The following TULP4 variants were observed in gnomAD, a reference collection of about 807,000 sequenced individuals.
TULP4 encodes TUB like protein 4, also known as tubby-related protein 4.
A neutral mutation model predicts 129.0 loss-of-function variants in TULP4; 16 were observed. That is an observed-to-expected ratio of 0.12 (90% CI 0.08 to 0.19). The LOEUF (loss-of-function observed/expected upper bound fraction) is 0.19, where lower values mean the gene tolerates loss of function less well. Ranked by LOEUF, TULP4 falls within the 10% of genes least tolerant of loss-of-function variation. The pLI, the probability that TULP4 is intolerant of heterozygous loss-of-function variation, is 1.00. For synonymous variants in TULP4, 998 were observed against 854.0 expected (o/e 1.17, Z -2.94); for missense variants, 1,842 against 2,059.1 (o/e 0.89, Z 2.04).
At chr6:158,388,422 C>T (rs1450533883) in intron 1 of TULP4, among the ~76,000 whole-genome samples, 3 of 148,932 alleles carry the variant, frequency 2.0e-5, no homozygotes, top group East Asian at 4.0e-4. Flanking sequence ...CTCCACCTCC[C>T]GGGTTCACAC....
chr6:158,337,130 T>C (rs1316038469), intron 1 of TULP4, among the ~76,000 whole-genome samples: 1 of 117,112 alleles, frequency 8.5e-6, no homozygotes, highest in Non-Finnish European at 1.8e-5. Context: ...TTCTTTCTCT[T>C]TTTTTTTTTT....
chr6:158,464,778 C>T (rs1779518538), intron 6 of TULP4, among the ~76,000 whole-genome samples: 2 of 152,140 alleles, frequency 1.3e-5, no homozygotes. Context: ...TCCTTTCAGA[C>T]CTTAAAAGGT....
chr6:158,346,810 C>T (rs540577220), intron 1 of TULP4, among the ~76,000 whole-genome samples: 6 of 25,468 alleles, frequency 2.4e-4, no homozygotes, highest in African/African-American at 7.2e-4. Flanking sequence ...CTCCTTTCCT[C>T]ATGACTTGAT....
At chr6:158,322,398 A>T (rs1421348830) in intron 1 of TULP4, among the ~76,000 whole-genome samples, 1 of 152,086 alleles carries the variant, frequency 6.6e-6, no homozygotes, top group Admixed American at 6.6e-5. Context: ...TGTCCAAGTC[A>T]TTCATTAGTT....
At chr6:158,354,835 CTA>C (rs1472593283) in intron 1 of TULP4, among the ~76,000 whole-genome samples, 2 of 140,786 alleles carry the variant, frequency 1.4e-5, no homozygotes, top group Non-Finnish European at 3.0e-5. Context: ...TTACAGTGAG[CTA>C]TAACTGCGCC....
intron 1 of TULP4, among the ~76,000 whole-genome samples, chr6:158,335,019 T>C (rs1780000338): frequency 6.6e-6 from 1 of 152,280 alleles, no homozygotes; most frequent in African/African-American, 2.4e-5. Flanking sequence ...GGCTCAGGCC[T>C]GTAGTCCCAG....
At chr6:158,394,212 A>G (rs1226776081) in intron 1 of TULP4, among the ~76,000 whole-genome samples, 1 of 152,114 alleles carries the variant, frequency 6.6e-6, no homozygotes. Flanking sequence ...CCTTTGCTCC[A>G]TTTCCCAGTA....
chr6:158,397,927 G>A lies in TULP4; in HGVS notation c.253-15138G>A, dbSNP rs1199415004. On this transcript the variant is annotated intron_variant, in intron 1 of 13. Transcript: ENST00000367097. ...ATGAGTTACAGGTGAGCTGGGCCAA[G>A]GTGAAATTCTGATGTAGCTTCTGTA... 13 of 152,278 alleles carry A rather than the reference G, an allele frequency of 8.5e-5. No individual in the cohort carries two copies. In the South Asian group the frequency reaches 2.3e-3, roughly 27 times the overall value. 9.4% of individuals were successfully genotyped at this position (152,278 alleles called of 1,614,324 possible).
At chr6:158,436,551 G>A (rs766165047) in intron 3 of TULP4, among the ~76,000 whole-genome samples, 1 of 152,174 alleles carries the variant, frequency 6.6e-6, no homozygotes, top group East Asian at 1.9e-4. Flanking sequence ...AATTGCCCTT[G>A]TTTAGAAGGC....
chr6:158,466,211 GT>G (rs1278582589), intron 6 of TULP4, among the ~76,000 whole-genome samples: 1 of 152,196 alleles, frequency 6.6e-6, no homozygotes, highest in Non-Finnish European at 1.5e-5. Context: ...TGGGAATTCA[GT>G]TTTTAAGGTT....
intron 11 of TULP4, among the ~76,000 whole-genome samples, chr6:158,495,756 C>G (rs1199836858): frequency 6.6e-6 from 1 of 152,110 alleles, no homozygotes; most frequent in African/African-American, 2.4e-5. Context: ...AGGAGAATCA[C>G]TTGAACCCAG....
intron 1 of TULP4, among the ~76,000 whole-genome samples, chr6:158,253,838 C>T (rs937761586): frequency 3.3e-5 from 5 of 152,092 alleles, no homozygotes; most frequent in African/African-American, 1.2e-4. Context: ...AGTTCGAGAC[C>T]AGACTGGCCA....
At chr6:158,302,058 A>G (rs779585686) in intron 1 of TULP4, among the ~76,000 whole-genome samples, 5 of 152,190 alleles carry the variant, frequency 3.3e-5, no homozygotes, top group Admixed American at 6.5e-5. Flanking sequence ...CTTTAACACA[A>G]TGGCTCAAAA....
intron 2 of TULP4, among the ~76,000 whole-genome samples, chr6:158,425,970 C>G (rs1778480837): frequency 6.6e-6 from 1 of 152,188 alleles, no homozygotes; most frequent in Non-Finnish European, 1.5e-5. Flanking sequence ...ATTTGCATTT[C>G]TCTAATCAGT....
chr6:158,323,311 G>T (rs1779678050), intron 1 of TULP4, among the ~76,000 whole-genome samples: 1 of 152,198 alleles, frequency 6.6e-6, no homozygotes, highest in African/African-American at 2.4e-5. Context: ...AAACTAGGGT[G>T]CTGCCTTAAT....
chr6:158,321,565 G>A (rs968824085), intron 1 of TULP4, among the ~76,000 whole-genome samples: 3 of 152,062 alleles, frequency 2.0e-5, no homozygotes, highest in Non-Finnish European at 2.9e-5. Flanking sequence ...TCAGTTCCAT[G>A]CACTGTTTCC....
chr6:158,439,830 G>T (rs1340968689), intron 3 of TULP4, among the ~76,000 whole-genome samples: 1 of 141,698 alleles, frequency 7.1e-6, no homozygotes, highest in Non-Finnish European at 1.5e-5. Context: ...TCCTGCCTCA[G>T]CCTCCCGAGT....
In TULP4 at chr6:158,413,257, T is replaced by G; in HGVS notation, c.381+64T>G. On this transcript the variant is annotated intron_variant, in intron 2 of 13. Transcript: ENST00000367097. This position sits in a 1 kb window ranked among gnomAD's most constrained non-coding sequence, Gnocchi z 4.9. Reference sequence around the variant, plus strand: ...GGGTAGAGGACTCCCAGACAGGCATTCCGGAGCCAGTGCGTTAGCACCACA... The same window carrying G: ...GGGTAGAGGACTCCCAGACAGGCATGCCGGAGCCAGTGCGTTAGCACCACA... 1 of 1,539,832 alleles carries G rather than the reference T, an allele frequency of 6.5e-7. No individual in the cohort carries two copies. Among genetic ancestry groups the G allele is most frequent in the Non-Finnish European group, 8.8e-7 (1 of 1,136,974 alleles).
intron 1 of TULP4, among the ~76,000 whole-genome samples, chr6:158,285,303 A>G (rs2128468184): frequency 6.6e-6 from 1 of 152,214 alleles, no homozygotes; most frequent in Admixed American, 6.5e-5. Flanking sequence ...TATTAACAAT[A>G]AACAACATAT....
Sources: gnomAD v4.1 joint callset for allele counts (sites outside exome capture counted in the v4.1 genomes callset) on GRCh38, gnomAD v4.1.1 for gene constraint, Gnocchi (gnomAD v3.1) non-coding constraint, MANE v1.5 for transcripts, NCBI Gene and HGNC (gene_info 2026-07-23, HGNC 2026-07-21) for gene names.